Variants in WDR70 observed in about 807,000 individuals in gnomAD.
The protein encoded by WDR70 is WD repeat domain 70, also known as WD repeat-containing protein 70.
Under a neutral mutation model 88.6 loss-of-function variants are expected in WDR70, and 53 were observed. The ratio of observed to expected loss-of-function variants is 0.60; its 90% CI spans 0.48 to 0.75. The LOEUF (loss-of-function observed/expected upper bound fraction) is 0.75, where lower values mean the gene tolerates loss of function less well. WDR70 is among the 30% of genes least tolerant of loss of function. The pLI is 0.00. For synonymous variants in WDR70, 280 were observed against 270.0 expected (o/e 1.04, Z -0.36); for missense variants, 610 against 823.2 (o/e 0.74, Z 3.17).
At chr5:37,676,481 A>G (rs1561064465) in intron 10 of WDR70, among the ~76,000 whole-genome samples, 2 of 152,094 alleles carry the variant, frequency 1.3e-5, no homozygotes, top group Non-Finnish European at 2.9e-5. Context: ...TTCTGCATCT[A>G]TTGAGATAAT....
chr5:37,480,121 A>G (rs970026602), intron 8 of WDR70, 134 bp downstream of exon 8: 4 of 1,139,662 alleles, frequency 3.5e-6, no homozygotes, highest in East Asian at 2.6e-5. Context: ...TCTCACAATC[A>G]TGTGGATTGA....
At chr5:37,678,393 T>G (rs1203639634) in intron 10 of WDR70, among the ~76,000 whole-genome samples, 1 of 152,234 alleles carries the variant, frequency 6.6e-6, no homozygotes, top group Non-Finnish European at 1.5e-5. Context: ...CCATGTTTAG[T>G]GCTTCCTTCA....
chr5:37,461,220 T>C (rs887242873), intron 7 of WDR70, among the ~76,000 whole-genome samples: 1 of 152,052 alleles, frequency 6.6e-6, no homozygotes, highest in African/African-American at 2.4e-5. Flanking sequence ...ATCTGGTCCT[T>C]CACATAAAGT....
intron 9 of WDR70, among the ~76,000 whole-genome samples, chr5:37,590,819 A>T (rs558114278): frequency 1.9e-3 from 290 of 152,274 alleles, no homozygotes; most frequent in Non-Finnish European, 3.3e-3. Flanking sequence ...GGAAAAACAT[A>T]AGGGCCCCAA....
chr5:37,409,505 C>CTT (rs70978811), intron 5 of WDR70, among the ~76,000 whole-genome samples: 5 of 138,208 alleles, frequency 3.6e-5, no homozygotes, highest in Non-Finnish European at 4.8e-5. Flanking sequence ...ACTGGCCTTA[C>CTT]TTTTTTTTTT....
At chr5:37,630,416 G>A (rs535555374) in intron 10 of WDR70, among the ~76,000 whole-genome samples, 8 of 152,166 alleles carry the variant, frequency 5.3e-5, no homozygotes, top group Non-Finnish European at 1.2e-4. Context: ...GGGTTGGGCA[G>A]GACATGTCTT....
chr5:37,432,175 T>C (rs1341725097), intron 5 of WDR70, among the ~76,000 whole-genome samples: 1 of 152,268 alleles, frequency 6.6e-6, no homozygotes, highest in African/African-American at 2.4e-5. Flanking sequence ...CTACCAACAT[T>C]GCACAAGGAT....
At chr5:37,721,261 G>C in intron 14 of WDR70, 46 bp downstream of exon 14, 1 of 1,535,270 alleles carries the variant, frequency 6.5e-7, no homozygotes, top group Non-Finnish European at 9.0e-7. Context: ...CAACAACTGG[G>C]GGGAGGGATT....
chr5:37,662,560 C>T (rs971064921), intron 10 of WDR70, among the ~76,000 whole-genome samples: 4 of 152,158 alleles, frequency 2.6e-5, no homozygotes, highest in Admixed American at 1.3e-4. Context: ...CAGTTTGTTT[C>T]GTCATGTTAC....
In WDR70 at chr5:37,685,187, A is replaced by G. The variant is rs577381538; in HGVS notation, c.1093-12468A>G. On this transcript the variant is annotated intron_variant, in intron 10 of 17. Transcript: ENST00000265107. Reference sequence around the variant, plus strand: ...CCAAGGCACTGACTGCAATGGTGGTATAGTGGGGGTGAGGAGGTGGTGTGC... The same window carrying G: ...CCAAGGCACTGACTGCAATGGTGGTGTAGTGGGGGTGAGGAGGTGGTGTGC... 2.6e-4 allele frequency among the ~76,000 whole-genome samples: 39 copies of G among 152,178 alleles called. No homozygotes were observed. In the South Asian group the frequency reaches 8.1e-3, roughly 32 times the overall value.
At position 37,722,872 on chromosome 5, in the gene WDR70, T is replaced by C. The variant is rs755043955; in HGVS notation, c.1535T>C (p.Val512Ala). The C allele has an allele frequency of 1.2e-6, 2 of 1,613,594 alleles. No homozygotes were observed. Among genetic ancestry groups the C allele is most frequent in the East Asian group, 4.5e-5 (2 of 44,856 alleles). The change falls in exon 15 of 18, where the codon GTG becomes GCG. Residue 512 changes from valine to alanine, a missense_variant. This residue lies in a region of WDR70 where 254 missense variants were observed against 300.7 expected (regional missense o/e 0.84). Coordinates refer to ENST00000265107, the MANE Select transcript of WDR70 (RefSeq NM_018034.4). The part of the protein sequence containing the change: ...NKSQRGAKLC[V>A]VKTQRKAKQA... Reference sequence around the variant, plus strand: ...CCCGTTAGGGGAGCAAAATTATGTGTGGTTAAAACCCAGCGGAAGGCAAAA... The same window carrying C: ...CCCGTTAGGGGAGCAAAATTATGTGCGGTTAAAACCCAGCGGAAGGCAAAA...
chr5:37,518,333 C>T (rs1740958083), intron 9 of WDR70, among the ~76,000 whole-genome samples: 1 of 151,996 alleles, frequency 6.6e-6, no homozygotes, highest in African/African-American at 2.4e-5. Context: ...CATTAACCAT[C>T]CTTAACTCAT....
chr5:37,720,622 A>G (rs1324851638), intron 13 of WDR70, among the ~76,000 whole-genome samples: 1 of 152,224 alleles, frequency 6.6e-6, no homozygotes, highest in Non-Finnish European at 1.5e-5. Context: ...GGGAGACATT[A>G]TTAAATGCCT....
chr5:37,453,509 C>T (rs1312134436), intron 7 of WDR70, among the ~76,000 whole-genome samples: 2 of 152,234 alleles, frequency 1.3e-5, no homozygotes, highest in Non-Finnish European at 2.9e-5. Flanking sequence ...AAGCAGTTTT[C>T]TGCCCTGGGC....
intron 8 of WDR70, among the ~76,000 whole-genome samples, chr5:37,507,951 G>A (rs185730928): frequency 2.6e-5 from 4 of 152,046 alleles, no homozygotes; most frequent in East Asian, 3.9e-4. Flanking sequence ...TTTACAATCC[G>A]AATGCCTTTT....
intron 10 of WDR70, among the ~76,000 whole-genome samples, chr5:37,652,602 C>T (rs1745440398): frequency 6.6e-6 from 1 of 152,118 alleles, no homozygotes; most frequent in Admixed American, 6.5e-5. Context: ...TGTTTATGTC[C>T]TCTCTTATTT....
chr5:37,739,203 A>G (rs1365060792), intron 17 of WDR70, among the ~76,000 whole-genome samples: 1 of 152,192 alleles, frequency 6.6e-6, no homozygotes, highest in Admixed American at 6.5e-5. Context: ...CAGTATATGG[A>G]ATAGTCTGGT....
At chr5:37,616,850 G>A (rs987278999) in intron 10 of WDR70, among the ~76,000 whole-genome samples, 1 of 152,118 alleles carries the variant, frequency 6.6e-6, no homozygotes, top group South Asian at 2.1e-4. Flanking sequence ...TCTTAAATGG[G>A]TTTGGTTTTC....
At chr5:37,383,665 C>T (rs1467533397) in intron 3 of WDR70, among the ~76,000 whole-genome samples, 2 of 151,968 alleles carry the variant, frequency 1.3e-5, no homozygotes, top group African/African-American at 2.4e-5. Context: ...CTGCAAGCTC[C>T]GCCTCCCGGG....
Sources: allele counts gnomAD v4.1 joint callset (sites outside exome capture counted in the v4.1 genomes callset), GRCh38; gene constraint gnomAD v4.1.1; regional missense constraint gnomAD v4.1.1; transcripts MANE v1.5; gene names NCBI Gene and HGNC (gene_info 2026-07-23, HGNC 2026-07-21).